The following ANK3 variants were observed in gnomAD, a reference collection of about 807,000 sequenced individuals.
The protein encoded by ANK3 is ankyrin-3.
Under a neutral mutation model 370.9 loss-of-function variants are expected in ANK3, and 57 were observed. The observed-to-expected ratio is 0.15, with a 90% CI of 0.12 to 0.19. The LOEUF (loss-of-function observed/expected upper bound fraction) is 0.19. Among genes scored for constraint, ANK3 ranks in the 10% least tolerant of loss-of-function variants. ANK3 has a pLI of 1.00. For synonymous variants in ANK3, 1,929 were observed against 1,946.3 expected, an observed-to-expected ratio of 0.99 and a Z score of 0.23; for missense variants, 4,439 against 5,302.1, an observed-to-expected ratio of 0.84 and a Z score of 5.06.
At chr10:60,627,586 A>AT (rs2078429215) in intron 1 of ANK3, among the ~76,000 whole-genome samples, 1 of 152,024 alleles carries the variant, frequency 6.6e-6, no homozygotes. Context: ...CTTACATGCA[A>AT]TTTTTTAAAT....
chr10:60,125,296 G>C (rs549728365), intron 25 of ANK3, among the ~76,000 whole-genome samples: 1 of 152,072 alleles, frequency 6.6e-6, no homozygotes, highest in Non-Finnish European at 1.5e-5. Context: ...TTATGAACTC[G>C]AACAAAAGAA....
At chr10:60,079,600 G>C (rs989356834) in intron 36 of ANK3, among the ~76,000 whole-genome samples, 1 of 152,126 alleles carries the variant, frequency 6.6e-6, no homozygotes, top group African/African-American at 2.4e-5. Flanking sequence ...TGTGTCAGTG[G>C]GAAACAGCTA....
At chr10:60,558,725 T>C (rs529621490) in intron 2 of ANK3, among the ~76,000 whole-genome samples, 190 of 152,348 alleles carry the variant, frequency 1.2e-3, no homozygotes, top group Non-Finnish European at 9.6e-4. Context: ...TGCCAACTTT[T>C]ATGATTATAT....
At chr10:60,465,275 A>G (rs945481223) in intron 2 of ANK3, among the ~76,000 whole-genome samples, 7 of 152,050 alleles carry the variant, frequency 4.6e-5, no homozygotes, top group South Asian at 4.1e-4. Flanking sequence ...AAAAAAAAAA[A>G]AGAAAGAACA....
rs753648205 is a variant in ANK3 at position 60,172,443 on chromosome 10, T to C, written c.2383-40A>G. The C allele has an allele frequency of 3.2e-6, 5 of 1,545,768 alleles. No individual in the cohort carries two copies. In the Admixed American group the frequency reaches 5.1e-5, roughly 16 times the overall value. The stretch of plus-strand genomic sequence containing the variant: ...ATGTGAGTGAGGAATTAGCAAGCCT[T>C]ATTCCACATTTTTTTTGCTGATACA... On this transcript the variant is annotated intron_variant, in intron 20 of 43. Transcript: ENST00000280772.
At chr10:60,611,383 G>A (rs1595348522) in intron 2 of ANK3, among the ~76,000 whole-genome samples, 1 of 152,156 alleles carries the variant, frequency 6.6e-6, no homozygotes, top group East Asian at 1.9e-4. Context: ...TCGCACTTCT[G>A]AACCTAACAG....
At chr10:60,709,222 GAAT>G (rs2133427141) in intron 1 of ANK3, among the ~76,000 whole-genome samples, 1 of 152,258 alleles carries the variant, frequency 6.6e-6, no homozygotes, top group South Asian at 2.1e-4. Flanking sequence ...CAAGAGTGAT[GAAT>G]ACACTAAGGG....
intron 1 of ANK3, among the ~76,000 whole-genome samples, chr10:60,295,448 T>G (rs1229177499): frequency 6.6e-6 from 1 of 152,242 alleles, no homozygotes. Flanking sequence ...CCTTTATTAA[T>G]TATCACTTTA....
Position 60,072,833 on chromosome 10 carries a change from T to G in ANK3, c.8048A>C (p.Glu2683Ala), listed in dbSNP as rs775797548. The change falls in exon 37 of 44, where the codon GAG (glutamate) becomes GCG (alanine). Residue 2683 changes from glutamate (E) to alanine (A), a missense_variant. This residue lies in a region of ANK3 where 1,601 missense variants were observed against 1,731.7 expected (regional missense o/e 0.92). Transcript: ENST00000280772. ...GGCTTCCACTGTGGACTTGCTGTCC[T>G]CAGTCTGTTGGGAGAGAACCATCTT... is the stretch of plus-strand genomic sequence containing the variant. Reference protein sequence around the residue: ...PEKMVLSQQTEDSKSTVEAKG... With the variant: ...PEKMVLSQQTADSKSTVEAKG... 55 of 1,614,024 alleles carry G rather than the reference T, an allele frequency of 3.4e-5. No homozygotes were observed. Among genetic ancestry groups the G allele is most frequent in the Non-Finnish European group, 4.2e-5 (50 of 1,180,022 alleles).
At chr10:60,221,799 C>T (rs1425447552) in intron 8 of ANK3, among the ~76,000 whole-genome samples, 1 of 152,188 alleles carries the variant, frequency 6.6e-6, no homozygotes, top group Non-Finnish European at 1.5e-5. Context: ...CACTTGCAGC[C>T]ACTCTTAGCC....
intron 2 of ANK3, chr10:60,572,717 TCAG>T (rs2077628852): frequency 7.2e-7 from 1 of 1,380,938 alleles, no homozygotes; most frequent in Non-Finnish European, 9.3e-7. Context: ...GTAGCCCTGT[TCAG>T]CTTTCCTCAG....
In ANK3 at chr10:60,076,459, A is replaced by C; in HGVS notation, c.4433-11T>G. 2 of 1,546,326 alleles carry C rather than the reference A, an allele frequency of 1.3e-6. No homozygotes were observed. Among genetic ancestry groups the C allele is most frequent in the Non-Finnish European group, 1.7e-6 (2 of 1,147,766 alleles). ...CTGTACTCCGTTCAACTGTTTCTTA[A>C]ATTTTAAAATGAAATCAAACACAAA... On this transcript the variant is annotated splice_polypyrimidine_tract_variant and intron_variant, in intron 36 of 43. Coordinates refer to ENST00000280772, the MANE Select transcript of ANK3 (RefSeq NM_020987.5).
At chr10:60,453,857 A>G (rs751114484) in intron 2 of ANK3, among the ~76,000 whole-genome samples, 8 of 152,310 alleles carry the variant, frequency 5.3e-5, no homozygotes, top group Middle Eastern at 3.4e-3. Flanking sequence ...CAATCGTTCT[A>G]TATATTCCCA....
At chr10:60,515,222 T>C (rs921053156) in intron 2 of ANK3, among the ~76,000 whole-genome samples, 33 of 152,112 alleles carry the variant, frequency 2.2e-4, no homozygotes, top group Non-Finnish European at 1.2e-4. Context: ...GCAGAAATTA[T>C]TAAATCAACT....
chr10:60,172,514 C>A, intron 20 of ANK3, 111 bp from the exon 21 acceptor site: 1 of 821,338 alleles, frequency 1.2e-6, no homozygotes. Flanking sequence ...CTGTCATACA[C>A]AAATAAGTGT....
intron 2 of ANK3, among the ~76,000 whole-genome samples, chr10:60,480,654 G>A (rs1213167539): frequency 6.6e-6 from 1 of 152,146 alleles, no homozygotes; most frequent in East Asian, 1.9e-4. Flanking sequence ...AATGAACATG[G>A]AAATAAGGCA....
chr10:60,656,712 C>T (rs1244518040), intron 1 of ANK3, among the ~76,000 whole-genome samples: 1 of 152,086 alleles, frequency 6.6e-6, no homozygotes, highest in Non-Finnish European at 1.5e-5. Context: ...TTTTTACAAA[C>T]ATTGATATGT....
chr10:60,397,802 AGTCT>A (rs1378377480), intron 2 of ANK3, among the ~76,000 whole-genome samples: 2 of 152,234 alleles, frequency 1.3e-5, no homozygotes, highest in African/African-American at 4.8e-5. Flanking sequence ...TATTCAAAAC[AGTCT>A]GTCTGGAATA....
chr10:60,435,324 A>G (rs2064129960), intron 2 of ANK3, among the ~76,000 whole-genome samples: 1 of 152,204 alleles, frequency 6.6e-6, no homozygotes, highest in African/African-American at 2.4e-5. Flanking sequence ...CATTTATCAA[A>G]ACAAGTGTAT....
Sources: allele counts gnomAD v4.1 joint callset (sites outside exome capture counted in the v4.1 genomes callset), GRCh38; gene constraint gnomAD v4.1.1; regional missense constraint gnomAD v4.1.1; transcripts MANE v1.5; gene names NCBI Gene and HGNC (gene_info 2026-07-23, HGNC 2026-07-21).